Variants in GRIK1 observed in about 807,000 individuals in gnomAD.
GRIK1 encodes the protein glutamate receptor ionotropic, kainate 1.
GRIK1 carries 69 observed loss-of-function variants against 105.7 expected under a neutral mutation model. The observed-to-expected ratio is 0.65, with a 90% CI of 0.54 to 0.80. The LOEUF (loss-of-function observed/expected upper bound fraction) is 0.80. Among genes scored for constraint, GRIK1 ranks in the 30% least tolerant of loss-of-function variants. The pLI is 0.00. For missense variants in GRIK1, 1,109 were observed against 1,167.3 expected (o/e 0.95, Z 0.73); for synonymous variants, 438 against 431.3 (o/e 1.02, Z -0.19).
intron 1 of GRIK1, among the ~76,000 whole-genome samples, chr21:29,852,793 T>G (rs1328870725): frequency 6.6e-6 from 1 of 152,344 alleles, no homozygotes; most frequent in Admixed American, 6.5e-5. Context: ...TTGGCACTTG[T>G]GTCAAATTAC....
intron 1 of GRIK1, among the ~76,000 whole-genome samples, chr21:29,864,643 A>G (rs1223966067): frequency 1.3e-5 from 2 of 152,070 alleles, no homozygotes; most frequent in African/African-American, 2.4e-5. Flanking sequence ...TGTAGTTTGA[A>G]CTTTTTTTCT....
At position 29,541,273 on chromosome 21, in the gene GRIK1, G is replaced by A. The variant is rs541572001; in HGVS notation, c.2608-3389C>T. Reference sequence around the variant, plus strand: ...AAGCCACCGTGTCCGGCCTACAAGTGACTTTTAATTACAGTTTAGAATTGG... The same window carrying A: ...AAGCCACCGTGTCCGGCCTACAAGTAACTTTTAATTACAGTTTAGAATTGG... On this transcript the variant is annotated intron_variant, in intron 16 of 17. Coordinates refer to ENST00000327783, the MANE Select transcript of GRIK1 (RefSeq NM_001330994.2). Among the ~76,000 whole-genome samples the A allele has an allele frequency of 7.4e-4, 112 of 152,184 alleles. No individual in the cohort carries two copies. The Middle Eastern group carries it at 0.01, about 14-fold the overall frequency.
chr21:29,906,134 A>G (rs1272146056), intron 1 of GRIK1, among the ~76,000 whole-genome samples: 1 of 152,154 alleles, frequency 6.6e-6, no homozygotes, highest in Non-Finnish European at 1.5e-5. Flanking sequence ...CATTAATGGC[A>G]TGGAATTTCA....
intron 1 of GRIK1, among the ~76,000 whole-genome samples, chr21:29,819,983 A>G (rs1021361937): frequency 4.6e-5 from 7 of 151,986 alleles, no homozygotes; most frequent in Admixed American, 3.9e-4. Flanking sequence ...CTGTTTTTTA[A>G]CATTAAATAT....
chr21:29,880,524 A>G (rs1270246784), intron 1 of GRIK1, among the ~76,000 whole-genome samples: 2 of 152,160 alleles, frequency 1.3e-5, no homozygotes, highest in Admixed American at 1.3e-4. Context: ...ATGGAAGGTA[A>G]TGTTCTGGGA....
At chr21:29,801,841 T>A (rs1346195270) in intron 1 of GRIK1, among the ~76,000 whole-genome samples, 1 of 152,212 alleles carries the variant, frequency 6.6e-6, no homozygotes, top group Non-Finnish European at 1.5e-5. Flanking sequence ...AAGGCAATTC[T>A]TTGACGACTC....
intron 7 of GRIK1, among the ~76,000 whole-genome samples, chr21:29,641,751 C>G (rs1479341005): frequency 6.6e-6 from 1 of 152,128 alleles, no homozygotes; most frequent in Non-Finnish European, 1.5e-5. Flanking sequence ...GATTTGTAGC[C>G]TAGGTACTTA....
chr21:29,682,008 T>G (rs2063389310), intron 3 of GRIK1, among the ~76,000 whole-genome samples: 1 of 152,198 alleles, frequency 6.6e-6, no homozygotes, highest in Non-Finnish European at 1.5e-5. Context: ...ACAGGAATCC[T>G]TATATCAGGA....
chr21:29,913,024 T>C (rs1602028731), intron 1 of GRIK1, among the ~76,000 whole-genome samples: 1 of 152,182 alleles, frequency 6.6e-6, no homozygotes, highest in East Asian at 1.9e-4. Context: ...ATACATGCCA[T>C]GGGTGTTTAA....
chr21:29,729,191 C>A (rs894368137), intron 1 of GRIK1, among the ~76,000 whole-genome samples: 1 of 152,180 alleles, frequency 6.6e-6, no homozygotes, highest in African/African-American at 2.4e-5. Context: ...TTTCCAGTTT[C>A]TCTGGCCATC....
intron 14 of GRIK1, among the ~76,000 whole-genome samples, chr21:29,568,830 C>T (rs531375796): frequency 6.6e-6 from 1 of 152,260 alleles, no homozygotes. Context: ...GATTTTATAC[C>T]TTTTTCCCTC....
chr21:29,565,239 A>G lies in GRIK1; in HGVS notation c.2131-3390T>C, dbSNP rs143517422. 8.3e-3 allele frequency among the ~76,000 whole-genome samples: 1,272 copies of G among 152,350 alleles called. 20 individuals are homozygous for G. The highest frequency in any genetic ancestry group is 0.029 in the African/African-American group (1,215 of 41,570). ...GAAGAGCAGCATTTTGCTGTTATTT[A>G]GAGCTCTCTTTCGTCGTTTAAAAAG... On this transcript the variant is annotated intron_variant, in intron 14 of 17. Coordinates refer to ENST00000327783, the MANE Select transcript of GRIK1 (RefSeq NM_001330994.2).
intron 1 of GRIK1, among the ~76,000 whole-genome samples, chr21:29,695,949 G>A (rs552595917): frequency 2.0e-5 from 3 of 152,170 alleles, no homozygotes; most frequent in Non-Finnish European, 2.9e-5. Flanking sequence ...TCACAAATAC[G>A]CATCATGCGC....
chr21:29,669,815 A>G (rs2063130172), intron 4 of GRIK1, among the ~76,000 whole-genome samples: 1 of 152,116 alleles, frequency 6.6e-6, no homozygotes, highest in African/African-American at 2.4e-5. Context: ...GGATTAGTGG[A>G]ATGGCAGCCA....
At chr21:29,671,087 T>C (rs748474256) in intron 4 of GRIK1, among the ~76,000 whole-genome samples, 2 of 152,166 alleles carry the variant, frequency 1.3e-5, no homozygotes, top group Non-Finnish European at 2.9e-5. Flanking sequence ...GTGATTGCTT[T>C]CAAATGCAAC....
chr21:29,676,273 G>C (rs1235448326), intron 3 of GRIK1, among the ~76,000 whole-genome samples: 1 of 152,180 alleles, frequency 6.6e-6, no homozygotes, highest in African/African-American at 2.4e-5. Context: ...CAGATTTAAA[G>C]ATTAGGGATG....
At chr21:29,867,894 G>GAA (rs375561796) in intron 1 of GRIK1, among the ~76,000 whole-genome samples, 14,984 of 131,520 alleles carry the variant, frequency 0.11, 1,076 homozygotes, top group East Asian at 0.3. Flanking sequence ...GAAAGAGAGA[G>GAA]AGAGAGAGAA....
chr21:29,863,823 G>A (rs467702), intron 1 of GRIK1, among the ~76,000 whole-genome samples: 51,010 of 151,938 alleles, frequency 0.34, 9,569 homozygotes, highest in African/African-American at 0.5. Context: ...TGTTTAGTTT[G>A]GTACAGATAG....
chr21:29,832,151 T>C (rs2067660472), intron 1 of GRIK1, among the ~76,000 whole-genome samples: 1 of 152,196 alleles, frequency 6.6e-6, no homozygotes, highest in Non-Finnish European at 1.5e-5. Context: ...CACTGATGCA[T>C]GGGGTGGGCT....
Sources: gnomAD v4.1 joint callset for allele counts (sites outside exome capture counted in the v4.1 genomes callset) on GRCh38, gnomAD v4.1.1 for gene constraint, MANE v1.5 for transcripts, NCBI Gene and HGNC (gene_info 2026-07-23, HGNC 2026-07-21) for gene names.